The following VAMP1 variants were observed in gnomAD, a reference collection of about 807,000 sequenced individuals.
The protein encoded by VAMP1 is vesicle associated membrane protein 1.
VAMP1 carries 16 observed loss-of-function variants against 19.1 expected under a neutral mutation model. That is an observed-to-expected ratio of 0.84 (90% confidence interval 0.57 to 1.27). The LOEUF is 1.27. Ranked by LOEUF, VAMP1 falls within the 50% of genes most tolerant of loss-of-function variation. The pLI is 0.00. For synonymous variants in VAMP1, 37 were observed against 50.2 expected (o/e 0.74, Z 1.11); for missense variants, 109 against 145.4 (o/e 0.75, Z 1.29).
In VAMP1 at chr12:6,462,749, A is replaced by G. The variant is rs910981042; in HGVS notation, c.*1721T>C. ...TTCTTCTCCAGCGGTGACCCCCTGC[A>G]TTAGGCAAGGAGGAGCCCAGAGGAG... On this transcript the variant is annotated 3_prime_UTR_variant, in exon 5 of 5. Transcript: ENST00000396308. The G allele has an allele frequency of 1.4e-6, 2 of 1,426,114 alleles. No homozygotes were observed. The highest frequency in any genetic ancestry group is 4.5e-5 in the Admixed American group (2 of 44,890). The allele number at this position is 1,426,114 out of a possible 1,614,324, so 88.3% of individuals were successfully genotyped here.
chr12:6,464,166 TG>T lies in VAMP1; in HGVS notation c.*303del. 1 of 1,433,290 alleles carries T rather than the reference TG, an allele frequency of 7.0e-7. No individual in the cohort carries two copies. Among genetic ancestry groups the T allele is most frequent in the Non-Finnish European group, 9.3e-7 (1 of 1,081,018 alleles). 88.8% of individuals were successfully genotyped at this position (1,433,290 alleles called of 1,614,324 possible). On this transcript the variant is annotated 3_prime_UTR_variant, in exon 5 of 5. Transcript: ENST00000396308. ...ACTTCGCCTCAGCCACTCCCCTCCC[TG>T]CCCCTTCCCTTGGCCTCCAACTCTT...
chr12:6,464,645 T>C, intron 4 of VAMP1, 159 bp from the exon 5 acceptor site: 1 of 1,458,732 alleles, frequency 6.9e-7, no homozygotes, highest in Non-Finnish European at 9.0e-7. Flanking sequence ...ACACACAGCA[T>C]AGCCCCACTT....
rs759597083 is a variant in VAMP1 at position 6,466,365 on chromosome 12, T to C, written c.3-14A>G. The C allele has an allele frequency of 5.0e-6, 8 of 1,609,438 alleles. No homozygotes were observed. The highest frequency in any genetic ancestry group is 1.3e-5 in the African/African-American group (1 of 74,604). On this transcript the variant is annotated splice_polypyrimidine_tract_variant and intron_variant, in intron 1 of 4. Coordinates refer to ENST00000396308, the MANE Select transcript of VAMP1 (RefSeq NM_014231.5). ...GCTGGAGCAGACCTGTGGAAAGACATGTGCAGAGTACACAAAGTGACCAAG... is the reference window on the plus strand; with the variant it reads ...GCTGGAGCAGACCTGTGGAAAGACACGTGCAGAGTACACAAAGTGACCAAG...
chr12:6,469,228 C>A (rs974661161), intron 1 of VAMP1, among the ~76,000 whole-genome samples: 1 of 152,186 alleles, frequency 6.6e-6, no homozygotes, highest in East Asian at 1.9e-4. Flanking sequence ...GCTAGCTAAG[C>A]AATCTAGCTC....
In VAMP1 at chr12:6,462,700, G is replaced by C. The variant is rs1375218330; in HGVS notation, c.*1770C>G. The C allele has an allele frequency of 1.5e-5, 15 of 978,282 alleles. No homozygotes were observed. Among genetic ancestry groups the C allele is most frequent in the Non-Finnish European group, 2.3e-5 (15 of 665,222 alleles). The allele number at this position is 978,282 out of a possible 1,614,324, so 60.6% of individuals were successfully genotyped here. A position where few individuals can be genotyped will look rare whatever the true frequency, so the allele number is the denominator to read the frequency against. On this transcript the variant is annotated 3_prime_UTR_variant, in exon 5 of 5. Coordinates refer to ENST00000396308, the MANE Select transcript of VAMP1 (RefSeq NM_014231.5). ...AAGAGGACGGATTCGCTCCAGGCTT[G>C]GGACACATCGAGGACAGTGGTGGTT...
At chr12:6,464,559 C>A in intron 4 of VAMP1, 73 bp from the exon 5 acceptor site, 2 of 1,464,536 alleles carry the variant, frequency 1.4e-6, no homozygotes, top group Non-Finnish European at 9.0e-7. Flanking sequence ...GTGAATTACA[C>A]CAAGTTACCA....
chr12:6,469,268 G>A (rs77390730), intron 1 of VAMP1, among the ~76,000 whole-genome samples: 218 of 152,288 alleles, frequency 1.4e-3, no homozygotes, highest in African/African-American at 4.6e-3. Context: ...TCAATGAGTA[G>A]GTAGCAGCCA....
intron 3 of VAMP1, chr12:6,465,182 T>G: frequency 1.9e-6 from 1 of 535,990 alleles, no homozygotes. Flanking sequence ...TCCTTTTTGC[T>G]TAGTTCCTGG....
Position 6,470,520 on chromosome 12 carries a change from G to A in VAMP1, c.2+10C>T. Reference sequence around the variant, plus strand: ...GGAGGTGCCGAGCCCCCACACCAGAGTCAACTCACATTTTTCTGACAGAGA... The same window carrying A: ...GGAGGTGCCGAGCCCCCACACCAGAATCAACTCACATTTTTCTGACAGAGA... On this transcript the variant is annotated intron_variant, in intron 1 of 4. Transcript: ENST00000396308. 5 of 1,614,056 alleles carry A rather than the reference G, an allele frequency of 3.1e-6. No individual in the cohort carries two copies. The highest frequency in any genetic ancestry group is 4.2e-6 in the Non-Finnish European group (5 of 1,179,924).
Position 6,463,143 on chromosome 12 carries a change from C to A in VAMP1, c.*1327G>T. ...AGATCCCATCCTCAGGTTCCACTGT[C>A]TATACACACAAACCATGCAAAGAGG... On this transcript the variant is annotated 3_prime_UTR_variant, in exon 5 of 5. Transcript: ENST00000396308. This position sits in a 1 kb window ranked among gnomAD's most constrained non-coding sequence, Gnocchi z 4.0. 1 of 1,466,932 alleles carries A rather than the reference C, an allele frequency of 6.8e-7. No individual in the cohort carries two copies. The highest frequency in any genetic ancestry group is 2.4e-5 in the Admixed American group (1 of 41,554). The allele number at this position is 1,466,932 out of a possible 1,614,324, so 90.9% of individuals were successfully genotyped here. A position where few individuals can be genotyped will look rare whatever the true frequency, so the allele number is the denominator to read the frequency against.
chr12:6,470,404 C>A, intron 1 of VAMP1, 126 bp downstream of exon 1: 1 of 1,432,070 alleles, frequency 7.0e-7, no homozygotes, highest in South Asian at 1.2e-5. Context: ...CCGGAAGCGG[C>A]GCGCGGTGGT....
At position 6,465,947 on chromosome 12, in the gene VAMP1, C is replaced by T. The variant is rs770546286; in HGVS notation, c.183G>A (p.Lys61=). Residue 61 remains lysine (K), a synonymous_variant, in exon 3 of 5, where the codon AAG becomes AAA. Coordinates refer to ENST00000396308, the MANE Select transcript of VAMP1 (RefSeq NM_014231.5). ...CAGCTCGGTCATCCAGCTCTGACAG[C>T]TTCTGGTCCCTCTCCAGGACCTTGT... is the stretch of plus-strand genomic sequence containing the variant. ...NVDKVLERDQ[K]LSELDDRADA... is the part of the protein sequence containing the mutation. 3.1e-6 allele frequency: 5 copies of T among 1,614,276 alleles called. No homozygotes were observed. Among genetic ancestry groups the T allele is most frequent in the Non-Finnish European group, 3.4e-6 (4 of 1,180,048 alleles).
Position 6,467,068 on chromosome 12 carries a change from C to T in VAMP1, c.3-717G>A, listed in dbSNP as rs574483033. 1.5e-4 allele frequency: 26 copies of T among 176,018 alleles called. No individual in the cohort carries two copies. In the East Asian group the frequency reaches 1.5e-3, roughly 10 times the overall value. 10.9% of individuals were successfully genotyped at this position (176,018 alleles called of 1,614,324 possible). On this transcript the variant is annotated intron_variant, in intron 1 of 4. Transcript: ENST00000396308. ...CATGTAAGAAGTGCCTTTCACCTGC[C>T]GCCATGATTCTGAGGCCTTCCCAGC...
intron 4 of VAMP1, 68 bp downstream of exon 4, chr12:6,464,822 G>GCAGT: frequency 6.2e-7 from 1 of 1,609,508 alleles, no homozygotes. Flanking sequence ...AGGCAGGCAG[G>GCAGT]CAGGCAGGGA....
At chr12:6,464,791 G>T in intron 4 of VAMP1, 99 bp downstream of exon 4, 2 of 1,590,166 alleles carry the variant, frequency 1.3e-6, no homozygotes, top group Non-Finnish European at 1.7e-6. Flanking sequence ...CCATACCTCA[G>T]TCAGAGCAGC....
intron 1 of VAMP1, among the ~76,000 whole-genome samples, chr12:6,468,990 A>C (rs1373559541): frequency 6.6e-6 from 1 of 152,240 alleles, no homozygotes; most frequent in Non-Finnish European, 1.5e-5. Context: ...TTATTTGACT[A>C]ATTACAATAG....
chr12:6,463,629 C>T lies in VAMP1; in HGVS notation c.*841G>A, dbSNP rs1300853626. On this transcript the variant is annotated 3_prime_UTR_variant, in exon 5 of 5. Coordinates refer to ENST00000396308, the MANE Select transcript of VAMP1 (RefSeq NM_014231.5). The surrounding 1 kb of genome is among the most constrained non-coding windows in gnomAD (Gnocchi z 4.0). ...TAACAGGCAATCTCTCTCTTTATGC[C>T]AACAATTAACTGGGAGCTAGGTTAA... is the stretch of plus-strand genomic sequence containing the variant. 3 of 1,077,948 alleles carry T rather than the reference C, an allele frequency of 2.8e-6. No individual in the cohort carries two copies. The highest frequency in any genetic ancestry group is 3.4e-6 in the Non-Finnish European group (3 of 884,158). The allele number at this position is 1,077,948 out of a possible 1,614,324, so 66.8% of individuals were successfully genotyped here. A position where few individuals can be genotyped will look rare whatever the true frequency, so the allele number is the denominator to read the frequency against.
In VAMP1 at chr12:6,466,432, C is replaced by G; in HGVS notation, c.3-81G>C. 2.0e-6 allele frequency: 3 copies of G among 1,488,766 alleles called. No homozygotes were observed. The South Asian group carries it at 3.9e-5, about 19-fold the overall frequency. 92.2% of individuals were successfully genotyped at this position (1,488,766 alleles called of 1,614,324 possible). A position where few individuals can be genotyped will look rare whatever the true frequency, so the allele number is the denominator to read the frequency against. ...GCGTGGTAGCACACACCTGTAGTCC[C>G]AGCTACTCAAGAGGCTGAAGTGGGA... On this transcript the variant is annotated intron_variant, in intron 1 of 4. Coordinates refer to ENST00000396308, the MANE Select transcript of VAMP1 (RefSeq NM_014231.5).
intron 3 of VAMP1, chr12:6,465,419 TATATATATAA>T (rs1949993183): frequency 9.7e-6 from 1 of 103,172 alleles, no homozygotes; most frequent in Non-Finnish European, 1.8e-5. Flanking sequence ...TATATGTATA[TATATATATAA>T]ATGTATATAT....
Sources: gnomAD v4.1 joint callset for allele counts (sites outside exome capture counted in the v4.1 genomes callset) on GRCh38, gnomAD v4.1.1 for gene constraint, Gnocchi (gnomAD v3.1) non-coding constraint, MANE v1.5 for transcripts, NCBI Gene and HGNC (gene_info 2026-07-23, HGNC 2026-07-21) for gene names.